Variants in MCC observed in about 807,000 individuals in gnomAD.
MCC encodes MCC regulator of Wnt signaling pathway.
Under a neutral mutation model 116.2 loss-of-function variants are expected in MCC, and 90 were observed. The observed-to-expected ratio is 0.77, with a 90% CI of 0.65 to 0.92. The LOEUF (loss-of-function observed/expected upper bound fraction) is 0.92. MCC is among the 40% of genes least tolerant of loss of function. The pLI is 0.00. For synonymous variants in MCC, 578 were observed against 510.5 expected, an observed-to-expected ratio of 1.13 and a Z score of -1.78; for missense variants, 1,516 against 1,312.2, an observed-to-expected ratio of 1.16 and a Z score of -2.40.
In MCC at chr5:113,046,685, C is replaced by CAAAAAAAAAAAAAAAAA. The variant is rs151183145; in HGVS notation, c.2655+2391_2655+2407dup. ...ACTGACTGCTAACAAACTCAAAAGGCAAAAAAAAAAAAAAAAAAAAAAAAA... is the reference window on the plus strand; with the variant it reads ...ACTGACTGCTAACAAACTCAAAAGGCAAAAAAAAAAAAAAAAAAAAAAAAAAAAAAAAAAAAAAAAAA... On this transcript the variant is annotated intron_variant, in intron 16 of 18. Coordinates refer to ENST00000408903, the MANE Select transcript of MCC (RefSeq NM_001085377.2). Among the ~76,000 whole-genome samples the CAAAAAAAAAAAAAAAAA allele has an allele frequency of 2.4e-3, 138 of 58,374 alleles. 10 individuals are homozygous for CAAAAAAAAAAAAAAAAA. Among genetic ancestry groups the CAAAAAAAAAAAAAAAAA allele is most frequent in the Middle Eastern group, 0.014 (1 of 72 alleles). 38.3% of individuals were successfully genotyped at this position (58,374 alleles called of 152,430 possible). A position where few individuals can be genotyped will look rare whatever the true frequency, so the allele number is the denominator to read the frequency against.
At chr5:113,161,369 G>A (rs1760473494) in intron 3 of MCC, among the ~76,000 whole-genome samples, 1 of 152,136 alleles carries the variant, frequency 6.6e-6, no homozygotes, top group Admixed American at 6.5e-5. Flanking sequence ...CTATGAACAT[G>A]AATAAAAGGG....
At chr5:113,482,329 T>C (rs1445035041) in intron 1 of MCC, among the ~76,000 whole-genome samples, 2 of 152,216 alleles carry the variant, frequency 1.3e-5, no homozygotes, top group African/African-American at 2.4e-5. Context: ...TTTAGAGGAA[T>C]TGCTAGACTG....
At chr5:113,106,726 A>T (rs1020079543) in intron 6 of MCC, among the ~76,000 whole-genome samples, 4 of 152,128 alleles carry the variant, frequency 2.6e-5, no homozygotes, top group African/African-American at 9.7e-5. Flanking sequence ...CAATCAGCTC[A>T]TATTTTTATT....
At chr5:113,119,422 C>T (rs1183250323) in intron 6 of MCC, among the ~76,000 whole-genome samples, 3 of 152,076 alleles carry the variant, frequency 2.0e-5, no homozygotes, top group African/African-American at 4.8e-5. Flanking sequence ...GGGCTCCAGG[C>T]GGAAGGAACA....
intron 2 of MCC, among the ~76,000 whole-genome samples, chr5:113,343,561 C>A (rs1768061232): frequency 6.6e-6 from 1 of 152,206 alleles, no homozygotes; most frequent in Non-Finnish European, 1.5e-5. Context: ...CCACATTGGA[C>A]TGAGTCACAG....
rs1308092663 is a variant in MCC at position 113,434,443 on chromosome 5, C to T, written c.171-49231G>A. ...TTGTCACACTTGAGGTCCCGGTGGA[C>T]GACGTCCAGGTCGTGGCAGTACTTG... On this transcript the variant is annotated intron_variant, in intron 1 of 18. Coordinates refer to ENST00000408903, the MANE Select transcript of MCC (RefSeq NM_001085377.2). This position sits in a 1 kb window ranked among gnomAD's most constrained non-coding sequence, Gnocchi z 4.2. 31 of 1,613,686 alleles carry T rather than the reference C, an allele frequency of 1.9e-5. No individual in the cohort carries two copies. Among genetic ancestry groups the T allele is most frequent in the South Asian group, 3.3e-5 (3 of 91,050 alleles).
At chr5:113,375,500 G>T (rs187584981) in intron 2 of MCC, among the ~76,000 whole-genome samples, 1 of 152,146 alleles carries the variant, frequency 6.6e-6, no homozygotes, top group East Asian at 1.9e-4. Flanking sequence ...ACTGTTTCTC[G>T]TGATTCTGGG....
chr5:113,286,267 C>G (rs1424748739), intron 3 of MCC, among the ~76,000 whole-genome samples: 2 of 152,214 alleles, frequency 1.3e-5, no homozygotes, highest in African/African-American at 4.8e-5. Flanking sequence ...CAAGTTCACA[C>G]AACCCACAGG....
chr5:113,153,615 T>C (rs1397500727), intron 3 of MCC, among the ~76,000 whole-genome samples: 1 of 152,244 alleles, frequency 6.6e-6, no homozygotes, highest in Non-Finnish European at 1.5e-5. Context: ...GAGAATCTCA[T>C]GAATGCAATG....
At chr5:113,347,832 C>T (rs754629953) in intron 2 of MCC, among the ~76,000 whole-genome samples, 12 of 151,946 alleles carry the variant, frequency 7.9e-5, no homozygotes, top group Non-Finnish European at 1.5e-4. Context: ...CTGTTGCCTA[C>T]AAGAAACACG....
intron 4 of MCC, 42 bp downstream of exon 4, chr5:113,151,267 C>T (rs745432363): frequency 7.9e-7 from 1 of 1,261,884 alleles, no homozygotes; most frequent in Admixed American, 2.1e-5. Context: ...ATATTTAAAA[C>T]AAAAAACAAA....
intron 5 of MCC, among the ~76,000 whole-genome samples, chr5:113,132,423 C>CATATAT (rs68059886): frequency 7.7e-6 from 1 of 130,188 alleles, no homozygotes; most frequent in African/African-American, 3.2e-5. Context: ...TATATACACA[C>CATATAT]ATACATATAT....
chr5:113,403,733 G>T (rs117369785), intron 1 of MCC, among the ~76,000 whole-genome samples: 1 of 152,198 alleles, frequency 6.6e-6, no homozygotes, highest in African/African-American at 2.4e-5. Context: ...AGCCCCCAGC[G>T]GGATTGCCAT....
chr5:113,401,355 A>G (rs1463683164), intron 1 of MCC, among the ~76,000 whole-genome samples: 1 of 152,204 alleles, frequency 6.6e-6, no homozygotes, highest in Admixed American at 6.5e-5. Context: ...GAGTAAAGGT[A>G]GAAGATAAAG....
Position 113,151,630 on chromosome 5 carries a change from A to G in MCC, c.628-208T>C, listed in dbSNP as rs114221436. ...ACTGGGTTATATGGTCACCCTAAAT[A>G]TTATGTGTGGGACATGGGACCTAAT... On this transcript the variant is annotated intron_variant, in intron 3 of 18. Transcript: ENST00000408903. 8.2e-3 allele frequency among the ~76,000 whole-genome samples: 1,245 copies of G among 152,326 alleles called. 21 individuals carry two copies. The highest frequency in any genetic ancestry group is 0.028 in the African/African-American group (1,157 of 41,572).
chr5:113,262,046 A>C (rs1182222182), intron 3 of MCC, among the ~76,000 whole-genome samples: 1 of 152,200 alleles, frequency 6.6e-6, no homozygotes, highest in African/African-American at 2.4e-5. Context: ...ATTCAAAAAA[A>C]GATATTAACT....
intron 15 of MCC, among the ~76,000 whole-genome samples, chr5:113,052,814 C>T (rs1327768795): frequency 6.6e-6 from 1 of 152,168 alleles, no homozygotes; most frequent in African/African-American, 2.4e-5. Flanking sequence ...CTGAAAGTCC[C>T]AATCCTCCAA....
intron 17 of MCC, among the ~76,000 whole-genome samples, chr5:113,041,924 G>A (rs971235603): frequency 1.3e-5 from 2 of 152,102 alleles, no homozygotes; most frequent in Non-Finnish European, 2.9e-5. Context: ...TTGAACCTGG[G>A]AGACCGAGAT....
chr5:113,064,239 T>C, intron 13 of MCC, 72 bp from the exon 14 acceptor site: 1 of 1,360,206 alleles, frequency 7.4e-7, no homozygotes, highest in South Asian at 1.4e-5. Context: ...GGACTATGCA[T>C]AATTAACTCT....
Sources: allele counts gnomAD v4.1 joint callset (sites outside exome capture counted in the v4.1 genomes callset), GRCh38; gene constraint gnomAD v4.1.1; non-coding constraint Gnocchi (gnomAD v3.1); transcripts MANE v1.5; gene names NCBI Gene and HGNC (gene_info 2026-07-23, HGNC 2026-07-21).